The following OR4M1 variants were observed in gnomAD, a reference collection of about 807,000 sequenced individuals.
OR4M1 encodes the protein olfactory receptor family 4 subfamily M member 1.
A neutral mutation model predicts 9.8 loss-of-function variants in OR4M1; 7 were observed. The observed-to-expected ratio is 0.71, with a 90% confidence interval of 0.41 to 1.34. The LOEUF (loss-of-function observed/expected upper bound fraction) is 1.34. OR4M1 is among the 40% of genes most tolerant of loss of function. The probability of loss-of-function intolerance (pLI) is 0.01; values close to 1 mark genes in which losing one functional copy is unlikely to be tolerated. For synonymous variants in OR4M1, 121 were observed against 139.8 expected, an observed-to-expected ratio of 0.87 and a Z score of 0.95; for missense variants, 331 against 380.4, an observed-to-expected ratio of 0.87 and a Z score of 1.08.
intron 1 of OR4M1, among the ~76,000 whole-genome samples, chr14:19,778,412 T>A (rs1192471575): frequency 6.6e-6 from 1 of 152,216 alleles, no homozygotes; most frequent in African/African-American, 2.4e-5. Context: ...AAAAAGCATA[T>A]GATCTTGTAA....
At chr14:19,777,007 C>CATATGTATATAT in intron 1 of OR4M1, among the ~76,000 whole-genome samples, 1 of 45,928 alleles carries the variant, frequency 2.2e-5, no homozygotes, top group Non-Finnish European at 4.1e-5. Flanking sequence ...TTGTTTAAGC[C>CATATGTATATAT]ATATATATAT....
rs760255910 is a variant in OR4M1 at position 19,781,132 on chromosome 14, T to G, written c.810T>G (p.Asp270Glu). The G allele has an allele frequency of 1.9e-6, 3 of 1,614,122 alleles. No homozygotes were observed. Among genetic ancestry groups the G allele is most frequent in the African/African-American group, 1.3e-5 (1 of 74,946 alleles). Reference sequence around the variant, plus strand: ...GCCCATTTGACTCATTTTCCCTAGATAAAGTGGTGTCTGTGTTTCATACTG... The same window carrying G: ...GCCCATTTGACTCATTTTCCCTAGAGAAAGTGGTGTCTGTGTTTCATACTG... ...YARPFDSFSL[D>E]KVVSVFHTVI... is the part of the protein sequence containing the mutation. Residue 270 changes from aspartate to glutamate, a missense_variant, in exon 2 of 2, where the codon GAT (aspartate) becomes GAG (glutamate). Physicochemically the swap from Asp to Glu is conservative, Grantham distance 45 (BLOSUM62 2). This residue lies in a region of OR4M1 where 122 missense variants were observed against 180.5 expected (regional missense o/e 0.68). Coordinates refer to ENST00000641200, the MANE Select transcript of OR4M1 (RefSeq NM_001005500.2).
At chr14:19,779,015 GT>G (rs1428285796) in intron 1 of OR4M1, among the ~76,000 whole-genome samples, 4 of 152,136 alleles carry the variant, frequency 2.6e-5, no homozygotes, top group Non-Finnish European at 5.9e-5. Context: ...GGAAAACACT[GT>G]TTTTGTGCGT....
chr14:19,780,250 A>T, intron 1 of OR4M1, 44 bp from the exon 2 acceptor site: 1 of 1,443,068 alleles, frequency 6.9e-7, no homozygotes, highest in South Asian at 1.4e-5. Flanking sequence ...ATAACTCTAG[A>T]TAAATGCTAT....
At chr14:19,780,038 A>G (rs1878420909) in intron 1 of OR4M1, among the ~76,000 whole-genome samples, 1 of 152,378 alleles carries the variant, frequency 6.6e-6, no homozygotes, top group South Asian at 2.1e-4. Context: ...AATTTCAGAA[A>G]AAGTAAGATT....
At position 19,782,507 on chromosome 14, in the gene OR4M1, T is replaced by C. The variant is rs1360480102; in HGVS notation, c.*1243T>C. 2.6e-5 allele frequency: 4 copies of C among 152,250 alleles called. No homozygotes were observed. The highest frequency in any genetic ancestry group is 1.5e-5 in the Non-Finnish European group (1 of 68,040). The allele number at this position is 152,250 out of a possible 1,614,324, so 9.4% of individuals were successfully genotyped here. A position where few individuals can be genotyped will look rare whatever the true frequency, so the allele number is the denominator to read the frequency against. ...AAGTGAATTAGATCCTTGTCAACAT[T>C]AGGAATGAATATATAAAAATAAATC... On this transcript the variant is annotated 3_prime_UTR_variant, in exon 2 of 2. Coordinates refer to ENST00000641200, the MANE Select transcript of OR4M1 (RefSeq NM_001005500.2).
In OR4M1 at chr14:19,780,401, C is replaced by T; in HGVS notation, c.79C>T (p.Leu27=). The T allele has an allele frequency of 1.9e-6, 3 of 1,614,162 alleles. No individual in the cohort carries two copies. The highest frequency in any genetic ancestry group is 2.5e-6 in the Non-Finnish European group (3 of 1,179,996). The change falls in exon 2 of 2, where the codon CTA becomes TTA. Residue 27 remains leucine, a synonymous_variant. Transcript: ENST00000641200. ...LSQTREVQLV[L]FVIFLSFYLF... ...CCAGACTCGGGAGGTCCAACTAGTCCTATTTGTTATATTTCTATCCTTCTA... is the reference window on the plus strand; with the variant it reads ...CCAGACTCGGGAGGTCCAACTAGTCTTATTTGTTATATTTCTATCCTTCTA...
Position 19,782,054 on chromosome 14 carries a change from A to G in OR4M1, c.*790A>G, listed in dbSNP as rs1166434733. 2 of 152,318 alleles carry G rather than the reference A, an allele frequency of 1.3e-5. No individual in the cohort carries two copies. The highest frequency in any genetic ancestry group is 6.5e-5 in the Admixed American group (1 of 15,288). The allele number at this position is 152,318 out of a possible 1,614,324, so 9.4% of individuals were successfully genotyped here. On this transcript the variant is annotated 3_prime_UTR_variant, in exon 2 of 2. Coordinates refer to ENST00000641200, the MANE Select transcript of OR4M1 (RefSeq NM_001005500.2). ...GGAGAAAGCTTCTAGGTTGACTGGA[A>G]TTGGTAGACATCTAGCCGTGTAGTT... is the stretch of plus-strand genomic sequence containing the variant.
At chr14:19,773,837 A>G (rs1878236394) in intron 1 of OR4M1, among the ~76,000 whole-genome samples, 1 of 152,234 alleles carries the variant, frequency 6.6e-6, no homozygotes, top group African/African-American at 2.4e-5. Context: ...TTTTAAAGTC[A>G]GGATTGAACA....
At position 19,780,651 on chromosome 14, in the gene OR4M1, C is replaced by T. The variant is rs368981146; in HGVS notation, c.329C>T (p.Ser110Leu). The T allele has an allele frequency of 7.7e-5, 125 of 1,614,180 alleles. No individual in the cohort carries two copies. The highest frequency in any genetic ancestry group is 2.3e-4 in the African/African-American group (17 of 75,034). The part of the protein sequence containing the change: ...QLFFLHFVGA[S>L]EMFLLTVMAY... The stretch of plus-strand genomic sequence containing the variant: ...TTCTTCTTACACTTTGTTGGGGCTT[C>T]GGAGATGTTCTTGCTCACAGTGATG... Residue 110 changes from serine to leucine, a missense_variant, in exon 2 of 2, where the codon TCG becomes TTG. Around this residue, in one of 2 missense-constraint regions of OR4M1, gnomAD observed 209 missense variants for 200.0 expected, o/e 1.04. Transcript: ENST00000641200.
chr14:19,776,365 C>T (rs115653364), intron 1 of OR4M1, among the ~76,000 whole-genome samples: 279 of 152,296 alleles, frequency 1.8e-3, no homozygotes, highest in African/African-American at 5.8e-3. Flanking sequence ...AGCATTGCTT[C>T]TCTTGAGGAG....
At chr14:19,778,144 T>A (rs2138429641) in intron 1 of OR4M1, among the ~76,000 whole-genome samples, 1 of 152,372 alleles carries the variant, frequency 6.6e-6, no homozygotes, top group African/African-American at 2.4e-5. Flanking sequence ...TCTAATTTTA[T>A]GTTGTATCTT....
chr14:19,775,867 A>G (rs1878296524), intron 1 of OR4M1, among the ~76,000 whole-genome samples: 1 of 151,486 alleles, frequency 6.6e-6, no homozygotes, highest in Non-Finnish European at 1.5e-5. Context: ...TCAAGATAGT[A>G]TAATATTGAG....
At chr14:19,778,547 G>A (rs1361515011) in intron 1 of OR4M1, among the ~76,000 whole-genome samples, 1 of 152,202 alleles carries the variant, frequency 6.6e-6, no homozygotes, top group African/African-American at 2.4e-5. Context: ...ATATGTAAAT[G>A]AGCTGAGTAA....
rs1233759708 is a variant in OR4M1 at position 19,780,706 on chromosome 14, AC to A, written c.388del (p.Leu130SerfsTer7). 1.2e-6 allele frequency: 2 copies of A among 1,613,968 alleles called. No homozygotes were observed. Among genetic ancestry groups the A allele is most frequent in the African/African-American group, 2.7e-5 (2 of 74,874 alleles). On this transcript the variant is annotated frameshift_variant, in exon 2 of 2. Transcript: ENST00000641200. LOFTEE classifies it high-confidence loss of function. ...ATGACCGCTATGCTGCTATCTGCCG[AC>A]CCCTCCACTATGCTACCATCATGAA... ...AYDRYAAICR[P>X]LHYATIMNRR...
In OR4M1 at chr14:19,781,516, A is replaced by C. The variant is rs1878499246; in HGVS notation, c.*252A>C. On this transcript the variant is annotated 3_prime_UTR_variant, in exon 2 of 2. Coordinates refer to ENST00000641200, the MANE Select transcript of OR4M1 (RefSeq NM_001005500.2). ...TTGAGATATAATAATAATCTGCTAA[A>C]GTACATTTTAACTAATTGTTTATTG... 1 of 461,360 alleles carries C rather than the reference A, an allele frequency of 2.2e-6. No homozygotes were observed. The highest frequency in any genetic ancestry group is 2.0e-5 in the African/African-American group (1 of 49,964). The allele number at this position is 461,360 out of a possible 1,614,324, so 28.6% of individuals were successfully genotyped here. A position where few individuals can be genotyped will look rare whatever the true frequency, so the allele number is the denominator to read the frequency against.
chr14:19,775,561 A>G (rs868059465), intron 1 of OR4M1, among the ~76,000 whole-genome samples: 2 of 147,532 alleles, frequency 1.4e-5, no homozygotes, highest in Non-Finnish European at 3.0e-5. Flanking sequence ...TATATATTAT[A>G]ATATATAAAT....
At position 19,780,712 on chromosome 14, in the gene OR4M1, C is replaced by T. The variant is rs1878458209; in HGVS notation, c.390C>T (p.Leu130=). Residue 130 remains leucine, a synonymous_variant, in exon 2 of 2, where the codon CTC becomes CTT. Coordinates refer to ENST00000641200, the MANE Select transcript of OR4M1 (RefSeq NM_001005500.2). Reference sequence around the variant, plus strand: ...GCTATGCTGCTATCTGCCGACCCCTCCACTATGCTACCATCATGAATCGAC... The same window carrying T: ...GCTATGCTGCTATCTGCCGACCCCTTCACTATGCTACCATCATGAATCGAC... The part of the protein sequence containing the change: ...YDRYAAICRP[L]HYATIMNRRL... The T allele has an allele frequency of 1.7e-5, 28 of 1,614,256 alleles. No homozygotes were observed. Among genetic ancestry groups the T allele is most frequent in the Non-Finnish European group, 2.4e-5 (28 of 1,180,034 alleles).
At position 19,783,338 on chromosome 14, in the gene OR4M1, C is replaced by T. The variant is rs1259809797; in HGVS notation, c.*2074C>T. On this transcript the variant is annotated 3_prime_UTR_variant, in exon 2 of 2. Coordinates refer to ENST00000641200, the MANE Select transcript of OR4M1 (RefSeq NM_001005500.2). ...CACAACTGAGGACGTATATTGGCAT[C>T]TTGTACTATTTAGACATCTTACAAT... The T allele has an allele frequency of 1.3e-5, 2 of 152,412 alleles. No homozygotes were observed. The highest frequency in any genetic ancestry group is 4.8e-5 in the African/African-American group (2 of 41,464). The allele number at this position is 152,412 out of a possible 1,614,324, so 9.4% of individuals were successfully genotyped here. A position where few individuals can be genotyped will look rare whatever the true frequency, so the allele number is the denominator to read the frequency against.
Sources: allele counts gnomAD v4.1 joint callset (sites outside exome capture counted in the v4.1 genomes callset), GRCh38; gene constraint gnomAD v4.1.1; regional missense constraint gnomAD v4.1.1; transcripts MANE v1.5; gene names NCBI Gene and HGNC (gene_info 2026-07-23, HGNC 2026-07-21).